Variants in DNAH1 observed in about 807,000 individuals in gnomAD.
DNAH1 encodes the protein axonemal beta dynein heavy chain 1.
Under a neutral mutation model 484.3 loss-of-function variants are expected in DNAH1, and 327 were observed. That is an observed-to-expected ratio of 0.68 (90% CI 0.62 to 0.74). The LOEUF (loss-of-function observed/expected upper bound fraction) is 0.74, where lower values mean the gene tolerates loss of function less well. Ranked by LOEUF, DNAH1 falls within the 30% of genes least tolerant of loss-of-function variation. The pLI is 0.00. For missense variants in DNAH1, 5,052 were observed against 5,546.8 expected (o/e 0.91, Z 2.83); for synonymous variants, 2,192 against 2,191.9 (o/e 1.00, Z 0.00).
intron 6 of DNAH1, 148 bp downstream of exon 6, chr3:52,328,162 C>A: frequency 2.8e-6 from 3 of 1,057,818 alleles, no homozygotes; most frequent in Non-Finnish European, 4.0e-6. Context: ...TAGAAGCTGG[C>A]CTCACAGAGG....
At position 52,370,550 on chromosome 3, in the gene DNAH1, T is replaced by C; in HGVS notation, c.6332T>C (p.Leu2111Pro). The change falls in exon 40 of 78, where the codon CTG (leucine) becomes CCG (proline). Residue 2111 changes from leucine to proline, a missense_variant. Coordinates refer to ENST00000420323, the MANE Select transcript of DNAH1 (RefSeq NM_015512.5). ...ELIEPWFIFS[L>P]IWSVGATGDS... The stretch of plus-strand genomic sequence containing the variant: ...ATCGAGCCCTGGTTCATCTTCTCCC[T>C]GATCTGGAGCGTGGGTGCCACTGGG... 1 of 1,613,942 alleles carries C rather than the reference T, an allele frequency of 6.2e-7. No individual in the cohort carries two copies. The highest frequency in any genetic ancestry group is 8.5e-7 in the Non-Finnish European group (1 of 1,179,888).
chr3:52,387,658 T>C (rs2153225411), intron 56 of DNAH1, among the ~76,000 whole-genome samples: 1 of 152,290 alleles, frequency 6.6e-6, no homozygotes, highest in South Asian at 2.1e-4. Flanking sequence ...AGGCTGGTGC[T>C]TAGGCTCCCC....
chr3:52,350,418 T>A (rs1702327151), intron 15 of DNAH1, 90 bp from the exon 16 acceptor site: 3 of 1,278,048 alleles, frequency 2.3e-6, no homozygotes, highest in Non-Finnish European at 2.2e-6. Flanking sequence ...GAGCAGCCCC[T>A]CTCTAGTACC....
chr3:52,386,596 G>A (rs759999672), intron 55 of DNAH1, 66 bp from the exon 56 acceptor site: 29 of 1,463,624 alleles, frequency 2.0e-5, no homozygotes, highest in African/African-American at 2.8e-5. Flanking sequence ...AACCTTTCTG[G>A]CAGGGTCCCT....
intron 6 of DNAH1, among the ~76,000 whole-genome samples, chr3:52,330,052 C>T (rs939916300): frequency 2.0e-5 from 3 of 152,066 alleles, no homozygotes; most frequent in Non-Finnish European, 4.4e-5. Context: ...TCAGGCAATC[C>T]GCCCACCTCT....
At chr3:52,384,544 C>G (rs1279272351) in intron 52 of DNAH1, among the ~76,000 whole-genome samples, 1 of 152,228 alleles carries the variant, frequency 6.6e-6, no homozygotes, top group Non-Finnish European at 1.5e-5. Context: ...CAAAGCCAGC[C>G]CAGCCCTTGA....
intron 8 of DNAH1, among the ~76,000 whole-genome samples, chr3:52,339,634 A>G (rs1018565651): frequency 3.3e-5 from 5 of 152,224 alleles, no homozygotes; most frequent in Admixed American, 2.6e-4. Flanking sequence ...AAACAAAGCT[A>G]AAAGATGCTC....
At chr3:52,354,496 G>A (rs1262451947) in intron 20 of DNAH1, among the ~76,000 whole-genome samples, 2 of 152,172 alleles carry the variant, frequency 1.3e-5, no homozygotes, top group Admixed American at 6.5e-5. Flanking sequence ...AGTGGGGTGT[G>A]GTGGCACATG....
In DNAH1 at chr3:52,382,324, G is replaced by A. The variant is rs758684478; in HGVS notation, c.7810G>A (p.Glu2604Lys). ...SLTRLASHMA[E>K]YECFQIELSK... The stretch of plus-strand genomic sequence containing the variant: ...AACCCAAACTTCTGCCTCCAGGGCC[G>A]AGTACGAGTGCTTCCAGATTGAACT... Residue 2604 changes from glutamate to lysine, a missense_variant, in exon 50 of 78, where the codon GAG (glutamate) becomes AAG (lysine). Around this residue, in one of 4 missense-constraint regions of DNAH1, gnomAD observed 2,929 missense variants for 3,409.4 expected, o/e 0.86. Coordinates refer to ENST00000420323, the MANE Select transcript of DNAH1 (RefSeq NM_015512.5). The A allele has an allele frequency of 1.2e-5, 20 of 1,613,848 alleles. No individual in the cohort carries two copies. Among genetic ancestry groups the A allele is most frequent in the South Asian group, 1.1e-4 (10 of 91,078 alleles).
rs1203456262 is a variant in DNAH1, at chr3:52,399,557, G to A, written c.12454G>A (p.Ala4152Thr). 2.5e-6 allele frequency: 4 copies of A among 1,609,074 alleles called. No homozygotes were observed. In the African/African-American group the frequency reaches 4.0e-5, roughly 16 times the overall value. ...TGTCTACCCACAGGTGATGTTTGAG[G>A]CACCATCAGAGTTAACACAAAGACC... ...ISFDFKVMFE[A>T]PSELTQRPQV... The change falls in exon 77 of 78, where the codon GCA becomes ACA. Residue 4152 changes from alanine to threonine, a missense_variant. Physicochemically the swap from Ala to Thr is moderately conservative, Grantham distance 58. Around this residue, in one of 4 missense-constraint regions of DNAH1, gnomAD observed 853 missense variants for 899.0 expected, o/e 0.95. Transcript: ENST00000420323.
intron 44 of DNAH1, chr3:52,374,402 C>T: frequency 7.5e-7 from 1 of 1,330,272 alleles, no homozygotes; most frequent in South Asian, 1.2e-5. Context: ...ACAGCACCCC[C>T]ACAGAACCAG....
chr3:52,327,798 C>T (rs1701403215), intron 5 of DNAH1, 84 bp from the exon 6 acceptor site: 5 of 1,529,504 alleles, frequency 3.3e-6, no homozygotes, highest in Admixed American at 3.5e-5. Context: ...ATTACTTAGG[C>T]ACCCCATCCT....
chr3:52,342,079 A>G (rs180962675), intron 8 of DNAH1, among the ~76,000 whole-genome samples: 3 of 152,356 alleles, frequency 2.0e-5, no homozygotes, highest in Admixed American at 2.0e-4. Flanking sequence ...CCTTTCTCAC[A>G]GTGGTGATAA....
chr3:52,396,901 G>A lies in DNAH1; in HGVS notation c.11644G>A (p.Gly3882Arg), dbSNP rs756713104. 20 of 1,608,496 alleles carry A rather than the reference G, an allele frequency of 1.2e-5. No individual in the cohort carries two copies. Among genetic ancestry groups the A allele is most frequent in the Admixed American group, 3.3e-5 (2 of 59,736 alleles). Residue 3882 changes from glycine (G) to arginine (R), a missense_variant, in exon 73 of 78, where the codon GGG becomes AGG. Around this residue, in one of 4 missense-constraint regions of DNAH1, gnomAD observed 853 missense variants for 899.0 expected, o/e 0.95. Coordinates refer to ENST00000420323, the MANE Select transcript of DNAH1 (RefSeq NM_015512.5). ...GTACACGGCAGGGGAGATCAATTAC[G>A]GGGGCCGTGTCACTGATGACTGGGA... is the stretch of plus-strand genomic sequence containing the variant. ...LKYTAGEINYGGRVTDDWDRR... is the reference protein window; with the variant it reads ...LKYTAGEINYRGRVTDDWDRR...
At chr3:52,367,156 T>A (rs1454986908) in intron 36 of DNAH1, among the ~76,000 whole-genome samples, 1 of 152,152 alleles carries the variant, frequency 6.6e-6, no homozygotes, top group Non-Finnish European at 1.5e-5. Flanking sequence ...CTCTGCAGTA[T>A]CTGGCCATTG....
Position 52,352,682 on chromosome 3 carries a change from G to T in DNAH1, c.3002G>T (p.Arg1001Leu). Residue 1001 changes from arginine to leucine, a missense_variant, in exon 18 of 78, where the codon CGC becomes CTC. Coordinates refer to ENST00000420323, the MANE Select transcript of DNAH1 (RefSeq NM_015512.5). ...QLAMLYNNRERIFSLPITNYD... is the reference protein window; with the variant it reads ...QLAMLYNNRELIFSLPITNYD... ...GCCATGCTCTACAACAACCGCGAGC[G>T]CATCTTCAGCTTGCCCATCACCAAT... 2 of 1,612,286 alleles carry T rather than the reference G, an allele frequency of 1.2e-6. No individual in the cohort carries two copies. Among genetic ancestry groups the T allele is most frequent in the East Asian group, 4.5e-5 (2 of 44,816 alleles).
intron 41 of DNAH1, 62 bp from the exon 42 acceptor site, chr3:52,371,884 C>A: frequency 6.3e-7 from 1 of 1,586,110 alleles, no homozygotes; most frequent in East Asian, 2.2e-5. Flanking sequence ...GCCATGGGGC[C>A]GCAGCCAGGA....
rs1308120383 is a variant in DNAH1 at position 52,356,632 on chromosome 3, C to G, written c.3712C>G (p.Leu1238Val). Residue 1238 changes from leucine to valine, a missense_variant, in exon 22 of 78, where the codon CTG (leucine) becomes GTG (valine). Physicochemically the swap from Leu to Val is conservative, Grantham distance 32. Around this residue, in one of 4 missense-constraint regions of DNAH1, gnomAD observed 2,929 missense variants for 3,409.4 expected, o/e 0.86. Transcript: ENST00000420323. ...KLTQEVLEEW[L>V]NCQRSWLYLE... ...TCCCCAGGAGGTTCTGGAGGAGTGG[C>G]TGAACTGTCAGCGGTCCTGGCTCTA... is the stretch of plus-strand genomic sequence containing the variant. 1 of 1,613,396 alleles carries G rather than the reference C, an allele frequency of 6.2e-7. No individual in the cohort carries two copies. Among genetic ancestry groups the G allele is most frequent in the Non-Finnish European group, 8.5e-7 (1 of 1,179,902 alleles).
At position 52,347,905 on chromosome 3, in the gene DNAH1, T is replaced by G; in HGVS notation, c.2037T>G (p.Phe679Leu). The G allele has an allele frequency of 6.2e-7, 1 of 1,609,924 alleles. No individual in the cohort carries two copies. Among genetic ancestry groups the G allele is most frequent in the Non-Finnish European group, 8.5e-7 (1 of 1,178,180 alleles). Residue 679 changes from phenylalanine to leucine, a missense_variant, in exon 12 of 78, where the codon TTT becomes TTG. Phe to Leu is a conservative substitution (Grantham distance 22, BLOSUM62 0). Transcript: ENST00000420323. ...GVHYSTPLEQ[F>L]EASLLNLFDK... is the part of the protein sequence containing the mutation. ...ACTATAGCACCCCACTGGAGCAGTT[T>G]GAGGCATCTCTGCTGAACCTCTTCG...
Sources: gnomAD v4.1 joint callset for allele counts (sites outside exome capture counted in the v4.1 genomes callset) on GRCh38, gnomAD v4.1.1 for gene constraint, gnomAD v4.1.1 regional missense constraint, MANE v1.5 for transcripts, NCBI Gene and HGNC (gene_info 2026-07-23, HGNC 2026-07-21) for gene names.